UHRF2: variants seen among roughly 807,000 people sequenced by gnomAD.
UHRF2 encodes the protein E3 ubiquitin-protein ligase UHRF2.
In UHRF2, 23 loss-of-function variants were observed where a neutral mutation model predicts 96.8. The observed-to-expected ratio is 0.24, with a 90% CI of 0.17 to 0.34. UHRF2 has a LOEUF of 0.34. Ranked by LOEUF, UHRF2 falls within the 10% of genes least tolerant of loss-of-function variation. UHRF2 has a pLI of 1.00. For synonymous variants in UHRF2, 385 were observed against 332.6 expected (o/e 1.16, Z -1.72); for missense variants, 685 against 981.5 (o/e 0.70, Z 4.04).
rs969739514 is a variant in UHRF2 at position 6,420,014 on chromosome 9, G to A, written c.154-898G>A. On this transcript the variant is annotated intron_variant, in intron 1 of 15. Coordinates refer to ENST00000276893, the MANE Select transcript of UHRF2 (RefSeq NM_152896.3). ...TCCTCCCACCTTGACTTCCCAAAAT[G>A]TTGGGATTACAGATGTGAGGCCCGG... Among the ~76,000 whole-genome samples the A allele has an allele frequency of 4.6e-5, 7 of 151,596 alleles. No homozygotes were observed. The South Asian group carries it at 1.5e-3, about 32-fold the overall frequency.
intron 3 of UHRF2, among the ~76,000 whole-genome samples, chr9:6,459,487 G>A (rs1237632713): frequency 6.6e-6 from 1 of 152,134 alleles, no homozygotes; most frequent in Admixed American, 6.5e-5. Context: ...TGGCCAACAT[G>A]GCAAAACCCC....
chr9:6,446,342 C>T (rs1821502932), intron 3 of UHRF2, among the ~76,000 whole-genome samples: 1 of 151,724 alleles, frequency 6.6e-6, no homozygotes, highest in Admixed American at 6.6e-5. Context: ...AGGGTTTTAG[C>T]ATGTTGGCCA....
At chr9:6,440,594 A>G (rs1037541602) in intron 3 of UHRF2, among the ~76,000 whole-genome samples, 1 of 152,220 alleles carries the variant, frequency 6.6e-6, no homozygotes, top group Non-Finnish European at 1.5e-5. Context: ...TGGGATTTAA[A>G]GCAAAAAGCA....
intron 2 of UHRF2, among the ~76,000 whole-genome samples, chr9:6,433,422 C>G (rs1480190986): frequency 6.6e-6 from 1 of 152,126 alleles, no homozygotes; most frequent in Non-Finnish European, 1.5e-5. Flanking sequence ...GTTCATTAGA[C>G]TCTTTTTTTT....
intron 9 of UHRF2, among the ~76,000 whole-genome samples, chr9:6,489,085 C>T (rs1362423770): frequency 6.6e-6 from 1 of 152,222 alleles, no homozygotes; most frequent in Non-Finnish European, 1.5e-5. Context: ...GCTGGGATTA[C>T]AGGCGTGAGC....
chr9:6,489,822 A>C (rs567879390), intron 9 of UHRF2, among the ~76,000 whole-genome samples: 5 of 151,298 alleles, frequency 3.3e-5, no homozygotes, highest in Non-Finnish European at 5.9e-5. Flanking sequence ...CAATATGAGT[A>C]GTTATGGAGA....
In UHRF2 at chr9:6,504,634, C is replaced by T. The variant is rs755602612; in HGVS notation, c.2205C>T (p.Cys735=). 16 of 1,613,668 alleles carry T rather than the reference C, an allele frequency of 9.9e-6. No individual in the cohort carries two copies. Among genetic ancestry groups the T allele is most frequent in the South Asian group, 9.9e-5 (9 of 91,010 alleles). Residue 735 remains cysteine (C), a synonymous_variant, in exon 15 of 16, where the codon TGC becomes TGT. Coordinates refer to ENST00000276893, the MANE Select transcript of UHRF2 (RefSeq NM_152896.3). The part of the protein sequence containing the change: ...KKLEQSFMCV[C]CQELVYQPVT... ...TGGAACAATCTTTTATGTGCGTTTG[C>T]TGTCAGGAGCTAGTTTACCAGCCTG... is the stretch of plus-strand genomic sequence containing the variant.
At chr9:6,456,098 A>G (rs932863287) in intron 3 of UHRF2, among the ~76,000 whole-genome samples, 14 of 152,218 alleles carry the variant, frequency 9.2e-5, no homozygotes, top group African/African-American at 3.4e-4. Flanking sequence ...CAAGTTACTG[A>G]TAGAATTTTT....
intron 3 of UHRF2, among the ~76,000 whole-genome samples, chr9:6,447,316 G>C (rs2130807573): frequency 6.6e-6 from 1 of 152,300 alleles, no homozygotes; most frequent in South Asian, 2.1e-4. Context: ...TGTTTAGTAA[G>C]TTGGACATGT....
At chr9:6,494,031 G>C (rs1563805307) in intron 10 of UHRF2, 99 bp downstream of exon 10, 1 of 1,001,918 alleles carries the variant, frequency 1.0e-6, no homozygotes, top group Non-Finnish European at 1.4e-6. Context: ...ATTTCAAACT[G>C]GGAGTTAAAG....
chr9:6,435,268 A>G (rs1820773769), intron 3 of UHRF2, among the ~76,000 whole-genome samples: 1 of 152,148 alleles, frequency 6.6e-6, no homozygotes, highest in South Asian at 2.1e-4. Flanking sequence ...TGCTGGGATT[A>G]CAGGCGTAAG....
At position 6,506,638 on chromosome 9, in the gene UHRF2, A is replaced by G. The variant is rs1213840679; in HGVS notation, c.*459A>G. The G allele has an allele frequency of 6.5e-6, 1 of 153,104 alleles. No individual in the cohort carries two copies. Among genetic ancestry groups the G allele is most frequent in the Non-Finnish European group, 1.5e-5 (1 of 68,372 alleles). The allele number at this position is 153,104 out of a possible 1,614,324, so 9.5% of individuals were successfully genotyped here. A position where few individuals can be genotyped will look rare whatever the true frequency, so the allele number is the denominator to read the frequency against. ...AATGAACACAGCTTCTAAAGTGTGCATATACTTTTTTAACGTCTCTTCTTC... is the reference window on the plus strand; with the variant it reads ...AATGAACACAGCTTCTAAAGTGTGCGTATACTTTTTTAACGTCTCTTCTTC... On this transcript the variant is annotated 3_prime_UTR_variant, in exon 16 of 16. Transcript: ENST00000276893.
At chr9:6,441,624 T>TGG (rs2130790426) in intron 3 of UHRF2, among the ~76,000 whole-genome samples, 1 of 152,252 alleles carries the variant, frequency 6.6e-6, no homozygotes, top group South Asian at 2.1e-4. Flanking sequence ...GGAAAGGAGT[T>TGG]GATATATGAC....
intron 3 of UHRF2, among the ~76,000 whole-genome samples, chr9:6,446,142 G>A (rs975449574): frequency 7.1e-6 from 1 of 141,536 alleles, no homozygotes; most frequent in African/African-American, 2.5e-5. Context: ...ACAGGCATAC[G>A]TCACCTCACC....
chr9:6,467,595 G>GTT (rs34366483), intron 4 of UHRF2, among the ~76,000 whole-genome samples: 10,542 of 98,728 alleles, frequency 0.11, 534 homozygotes, highest in African/African-American at 0.21. Flanking sequence ...CGAGAGAATA[G>GTT]TTTTTTTTTT....
rs532622214 is a variant in UHRF2 at position 6,475,598 on chromosome 9, T to C, written c.973+98T>C. 288 of 522,812 alleles carry C rather than the reference T, an allele frequency of 5.5e-4. 3 individuals are homozygous for C. In the South Asian group the frequency reaches 6.4e-3, roughly 12 times the overall value. 32.4% of individuals were successfully genotyped at this position (522,812 alleles called of 1,614,324 possible). The stretch of plus-strand genomic sequence containing the variant: ...AATAACTTGGAAGGAAGTATAAAAC[T>C]GTAGACCATACAAATTTATTTTCAA... On this transcript the variant is annotated intron_variant, in intron 5 of 15. Transcript: ENST00000276893.
At chr9:6,470,534 G>A (rs924666352) in intron 4 of UHRF2, among the ~76,000 whole-genome samples, 3 of 152,114 alleles carry the variant, frequency 2.0e-5, no homozygotes, top group African/African-American at 7.2e-5. Flanking sequence ...TGAGATTCCC[G>A]ATGGAACATC....
At position 6,456,774 on chromosome 9, in the gene UHRF2, A is replaced by G. The variant is rs181378067; in HGVS notation, c.645-3799A>G. On this transcript the variant is annotated intron_variant, in intron 3 of 15. Transcript: ENST00000276893. ...GTGGCTAGCCAGTTTTCCCAACACCATTTATTAAATAGGGAATCCTTTCCC... is the reference window on the plus strand; with the variant it reads ...GTGGCTAGCCAGTTTTCCCAACACCGTTTATTAAATAGGGAATCCTTTCCC... Among the ~76,000 whole-genome samples the G allele has an allele frequency of 2.8e-4, 43 of 152,328 alleles. 2 individuals carry two copies. The East Asian group carries it at 3.9e-3, about 14-fold the overall frequency.
intron 3 of UHRF2, among the ~76,000 whole-genome samples, chr9:6,448,475 A>C (rs1391074024): frequency 1.3e-5 from 2 of 152,182 alleles, no homozygotes; most frequent in Non-Finnish European, 2.9e-5. Flanking sequence ...CAGTTTGAAA[A>C]ACGTCTCTGT....
Sources: allele counts gnomAD v4.1 joint callset (sites outside exome capture counted in the v4.1 genomes callset), GRCh38; gene constraint gnomAD v4.1.1; transcripts MANE v1.5; gene names NCBI Gene and HGNC (gene_info 2026-07-23, HGNC 2026-07-21).